Variants in NOL4 observed in about 807,000 individuals in gnomAD.
The protein encoded by NOL4 is cancer/testis antigen 125.
Under a neutral mutation model 75.9 loss-of-function variants are expected in NOL4, and 17 were observed. The observed-to-expected ratio is 0.22, with a 90% CI of 0.15 to 0.34. The LOEUF (loss-of-function observed/expected upper bound fraction) is 0.34. Among genes scored for constraint, NOL4 ranks in the 10% least tolerant of loss-of-function variants. NOL4 has a pLI of 1.00. For synonymous variants in NOL4, 292 were observed against 289.9 expected (o/e 1.01, Z -0.07); for missense variants, 614 against 793.5 (o/e 0.77, Z 2.72).
Position 33,958,424 on chromosome 18 carries a change from A to G in NOL4, c.1057-6T>C. The G allele has an allele frequency of 1.3e-6, 2 of 1,591,884 alleles. No individual in the cohort carries two copies. Among genetic ancestry groups the G allele is most frequent in the South Asian group, 2.3e-5 (2 of 88,052 alleles). On this transcript the variant is annotated splice_polypyrimidine_tract_variant and splice_region_variant and intron_variant, in intron 6 of 10. Coordinates refer to ENST00000261592, the MANE Select transcript of NOL4 (RefSeq NM_003787.5). ...GAGTAACTATGTGCAGGAGACTGAA[A>G]AGAGAAGGTGAAATAACTGCTTTTA...
chr18:34,076,832 T>C (rs1358322834), intron 5 of NOL4, among the ~76,000 whole-genome samples: 2 of 152,220 alleles, frequency 1.3e-5, no homozygotes, highest in Admixed American at 1.3e-4. Flanking sequence ...AAATCGTTGC[T>C]AGTAACATTT....
At chr18:33,928,937 T>C (rs2067510129) in intron 9 of NOL4, among the ~76,000 whole-genome samples, 1 of 152,194 alleles carries the variant, frequency 6.6e-6, no homozygotes, top group Admixed American at 6.6e-5. Flanking sequence ...TTTGTAGCAG[T>C]TAATATTCAT....
rs754090625 is a variant in NOL4 at position 34,019,389 on chromosome 18, T to C, written c.985A>G (p.Lys329Glu). 1.6e-5 allele frequency: 26 copies of C among 1,613,928 alleles called. No homozygotes were observed. Among genetic ancestry groups the C allele is most frequent in the Non-Finnish European group, 2.1e-5 (25 of 1,179,986 alleles). The change falls in exon 6 of 11, where the codon AAA becomes GAA. Residue 329 changes from lysine (K) to glutamate (E), a missense_variant. Lys to Glu is a moderately conservative substitution (Grantham distance 56). Around this residue, in one of 9 missense-constraint regions of NOL4, gnomAD observed 196 missense variants for 167.9 expected, o/e 1.17. Transcript: ENST00000261592. ...ATTAGAAGATTCTTATACTTGTTTT[T>C]CCCATTACTGTTGTGATCATCTATT... ...YRIDDHNSNGKNKYKNLLISD... is the reference protein window; with the variant it reads ...YRIDDHNSNGENKYKNLLISD...
intron 1 of NOL4, among the ~76,000 whole-genome samples, chr18:34,165,249 A>T (rs1568411852): frequency 6.6e-6 from 1 of 151,736 alleles, no homozygotes; most frequent in African/African-American, 2.4e-5. Context: ...ATAATAATAA[A>T]ATAAAATAAA....
intron 5 of NOL4, among the ~76,000 whole-genome samples, chr18:34,071,389 C>A (rs2145259273): frequency 6.6e-6 from 1 of 151,446 alleles, no homozygotes. Flanking sequence ...CGTTAAAAGG[C>A]AGAGATTGTC....
intron 6 of NOL4, among the ~76,000 whole-genome samples, chr18:34,002,731 C>T (rs1389950069): frequency 6.6e-6 from 1 of 152,038 alleles, no homozygotes; most frequent in Non-Finnish European, 1.5e-5. Context: ...TAAAAATCTC[C>T]AATCTAAATG....
rs1231658468 is a variant in NOL4 at position 33,996,249 on chromosome 18, A to G, written c.1056+23069T>C. ...CTTTATTCACAGATGACATAATCTC[A>G]TACGGAGAAATTCCTAAGCAGTCTC... On this transcript the variant is annotated intron_variant, in intron 6 of 10. Transcript: ENST00000261592. Among the ~76,000 whole-genome samples, 4 of 151,928 alleles carry G rather than the reference A, an allele frequency of 2.6e-5. No individual in the cohort carries two copies. The East Asian group carries it at 7.8e-4, about 29-fold the overall frequency.
chr18:33,997,671 T>C (rs1381990110), intron 6 of NOL4, among the ~76,000 whole-genome samples: 2 of 148,384 alleles, frequency 1.3e-5, no homozygotes, highest in Non-Finnish European at 3.0e-5. Context: ...CATAAATATA[T>C]ACACATATAC....
chr18:33,854,795 T>C (rs1202132316), intron 10 of NOL4, among the ~76,000 whole-genome samples: 3 of 151,834 alleles, frequency 2.0e-5, no homozygotes, highest in South Asian at 2.1e-4. Flanking sequence ...TCAATCCAAG[T>C]TGATTGGCAT....
Position 33,858,367 on chromosome 18 carries a change from T to C in NOL4, c.1724-5332A>G, listed in dbSNP as rs1369135342. Among the ~76,000 whole-genome samples the C allele has an allele frequency of 3.9e-5, 6 of 151,958 alleles. No homozygotes were observed. In the East Asian group the frequency reaches 5.8e-4, roughly 15 times the overall value. ...TTTAATCAAGGTATTCATGATGATA[T>C]TGTAGTTCTTTTGCCAAAGAGTAAA... On this transcript the variant is annotated intron_variant, in intron 10 of 10. Transcript: ENST00000261592.
At chr18:34,055,120 A>G (rs73416368) in intron 5 of NOL4, among the ~76,000 whole-genome samples, 22,948 of 151,438 alleles carry the variant, frequency 0.15, 1,917 homozygotes, top group African/African-American at 0.21. Flanking sequence ...ACATATATTT[A>G]TATTTGTTTT....
chr18:34,077,043 C>T (rs1176984368), intron 5 of NOL4, among the ~76,000 whole-genome samples: 1 of 152,170 alleles, frequency 6.6e-6, no homozygotes, highest in East Asian at 1.9e-4. Context: ...CAGTGGTTCA[C>T]ACCTATAATC....
intron 6 of NOL4, among the ~76,000 whole-genome samples, chr18:33,979,647 C>T (rs2071787479): frequency 6.6e-6 from 1 of 151,600 alleles, no homozygotes; most frequent in Non-Finnish European, 1.5e-5. Flanking sequence ...TAAATATGTA[C>T]TTTGAAATAC....
intron 2 of NOL4, among the ~76,000 whole-genome samples, chr18:34,118,367 G>C (rs1289942351): frequency 6.6e-6 from 1 of 151,978 alleles, no homozygotes; most frequent in African/African-American, 2.4e-5. Flanking sequence ...TACTAGATTT[G>C]AGAAAATTTG....
intron 1 of NOL4, among the ~76,000 whole-genome samples, chr18:34,201,187 C>T (rs1333005615): frequency 6.6e-6 from 1 of 151,716 alleles, no homozygotes; most frequent in Non-Finnish European, 1.5e-5. Context: ...TCCAAAAACA[C>T]ATTTATTCTT....
intron 5 of NOL4, among the ~76,000 whole-genome samples, chr18:34,052,083 A>G (rs1234594289): frequency 1.3e-5 from 2 of 152,060 alleles, no homozygotes; most frequent in Non-Finnish European, 2.9e-5. Flanking sequence ...TCTTATCTGC[A>G]TATTAACTAG....
chr18:34,129,848 T>A lies in NOL4; in HGVS notation c.414+23A>T, dbSNP rs1296380133. ...TATCAAGTCTCGAAATGCATGCTCT[T>A]TTTTTTTTCTTTTTTAACTTACTGC... On this transcript the variant is annotated intron_variant, in intron 2 of 10. Coordinates refer to ENST00000261592, the MANE Select transcript of NOL4 (RefSeq NM_003787.5). The A allele has an allele frequency of 4.0e-6, 6 of 1,514,916 alleles. No individual in the cohort carries two copies. In the Admixed American group the frequency reaches 1.3e-4, roughly 34 times the overall value. The allele number at this position is 1,514,916 out of a possible 1,614,324, so 93.8% of individuals were successfully genotyped here. A position where few individuals can be genotyped will look rare whatever the true frequency, so the allele number is the denominator to read the frequency against.
rs535532514 is a variant in NOL4, at chr18:33,954,205, T to C, written c.1428+3121A>G. On this transcript the variant is annotated intron_variant, in intron 8 of 10. Coordinates refer to ENST00000261592, the MANE Select transcript of NOL4 (RefSeq NM_003787.5). ...TAATACAATGTAAATGACATGTAAA[T>C]AGCTGTTATACTGTGTTGTCTAGGG... is the stretch of plus-strand genomic sequence containing the variant. Among the ~76,000 whole-genome samples the C allele has an allele frequency of 4.6e-5, 7 of 152,280 alleles. No homozygotes were observed. The East Asian group carries it at 1.2e-3, about 25-fold the overall frequency.
chr18:33,991,557 T>A (rs1302427779), intron 6 of NOL4, among the ~76,000 whole-genome samples: 2 of 151,998 alleles, frequency 1.3e-5, no homozygotes, highest in Non-Finnish European at 2.9e-5. Flanking sequence ...GTGGTGTTGG[T>A]GAGTGCTATT....
Sources: allele counts gnomAD v4.1 joint callset (sites outside exome capture counted in the v4.1 genomes callset), GRCh38; gene constraint gnomAD v4.1.1; regional missense constraint gnomAD v4.1.1; transcripts MANE v1.5; gene names NCBI Gene and HGNC (gene_info 2026-07-23, HGNC 2026-07-21).